The following SYNPR variants were observed in gnomAD, a reference collection of about 807,000 sequenced individuals.
SYNPR encodes synaptoporin.
In SYNPR, 23 loss-of-function variants were observed where a neutral mutation model predicts 32.9. That is an observed-to-expected ratio of 0.70 (90% CI 0.50 to 0.99). The LOEUF is 0.99. Ranked by LOEUF, SYNPR falls within the 50% of genes least tolerant of loss-of-function variation. The pLI is 0.00. For missense variants in SYNPR, 318 were observed against 349.3 expected (o/e 0.91, Z 0.71); for synonymous variants, 146 against 135.9 (o/e 1.07, Z -0.52).
At chr3:63,484,523 G>C (rs1170816344) in intron 3 of SYNPR, among the ~76,000 whole-genome samples, 2 of 152,116 alleles carry the variant, frequency 1.3e-5, no homozygotes, top group African/African-American at 4.8e-5. Context: ...AGGTTAGGGG[G>C]CTATAGGAAC....
At chr3:63,603,014 T>G (rs568234618) in intron 4 of SYNPR, among the ~76,000 whole-genome samples, 2 of 152,300 alleles carry the variant, frequency 1.3e-5, no homozygotes, top group African/African-American at 4.8e-5. Flanking sequence ...TCATCTCTGA[T>G]TTATTTCAGC....
intron 4 of SYNPR, among the ~76,000 whole-genome samples, chr3:63,597,382 C>T (rs1186354919): frequency 6.6e-6 from 1 of 152,186 alleles, no homozygotes; most frequent in East Asian, 1.9e-4. Context: ...ATTCTAGCTA[C>T]ATAGGTATAC....
the SYNPR span, among the ~76,000 whole-genome samples, chr3:63,207,043 A>G: frequency 1.2e-4 from 18 of 152,318 alleles, no homozygotes; most frequent in African/African-American, 3.6e-4. Context: ...GGAGAGAGGA[A>G]GTTTGGTTCC....
intron 2 of SYNPR, among the ~76,000 whole-genome samples, chr3:63,317,768 A>G (rs1218405212): frequency 6.6e-6 from 1 of 151,786 alleles, no homozygotes; most frequent in Non-Finnish European, 1.5e-5. Flanking sequence ...TGCTTTCATC[A>G]TGCTTTTTGT....
chr3:63,264,675 G>A (rs943609046), intron 2 of SYNPR, among the ~76,000 whole-genome samples: 15 of 152,188 alleles, frequency 9.9e-5, no homozygotes, highest in Non-Finnish European at 8.8e-5. Flanking sequence ...CTGCTATGAG[G>A]AAATACCCCA....
chr3:63,259,547 T>C (rs912778334), intron 2 of SYNPR, among the ~76,000 whole-genome samples: 1 of 152,126 alleles, frequency 6.6e-6, no homozygotes, highest in Non-Finnish European at 1.5e-5. Context: ...AAACTCTCAA[T>C]AAATTAGGTA....
intron 2 of SYNPR, among the ~76,000 whole-genome samples, chr3:63,444,508 T>C (rs967071738): frequency 1.3e-5 from 2 of 152,310 alleles, no homozygotes; most frequent in Admixed American, 1.3e-4. Context: ...AGATTTGTGA[T>C]GAAAGTTAAA....
At chr3:63,382,483 C>G (rs2087984915) in intron 2 of SYNPR, among the ~76,000 whole-genome samples, 1 of 152,216 alleles carries the variant, frequency 6.6e-6, no homozygotes, top group African/African-American at 2.4e-5. Context: ...TAGCTATATT[C>G]TTAAAGTTTC....
At chr3:63,588,444 T>C (rs546819376) in intron 4 of SYNPR, among the ~76,000 whole-genome samples, 1 of 152,176 alleles carries the variant, frequency 6.6e-6, no homozygotes, top group East Asian at 1.9e-4. Flanking sequence ...ATGTTTTGTG[T>C]CAAGTAGATA....
intron 4 of SYNPR, among the ~76,000 whole-genome samples, chr3:63,572,692 G>A (rs1191281296): frequency 6.6e-6 from 1 of 152,098 alleles, no homozygotes; most frequent in Non-Finnish European, 1.5e-5. Context: ...GAAGTGACAG[G>A]ATAGATTTAA....
intron 2 of SYNPR, among the ~76,000 whole-genome samples, chr3:63,299,678 G>A (rs1321534322): frequency 6.6e-6 from 1 of 152,084 alleles, no homozygotes; most frequent in Non-Finnish European, 1.5e-5. Context: ...AGGAACAATG[G>A]GTAGAAAGAA....
At chr3:63,221,030 T>A in the SYNPR span, among the ~76,000 whole-genome samples, 1 of 152,204 alleles carries the variant, frequency 6.6e-6, no homozygotes, top group African/African-American at 2.4e-5. Flanking sequence ...AGGGTTCTGA[T>A]TTGATTGATA....
rs1700138120 is a variant in SYNPR, at chr3:63,439,821, A to T, written c.85-41011A>T. ...GTATTTCAAGGCTAACCTCCTTTGA[A>T]AAAATTAGGTTTCTTCACCACCATC... is the stretch of plus-strand genomic sequence containing the variant. On this transcript the variant is annotated intron_variant, in intron 2 of 5. Coordinates refer to ENST00000478300, the MANE Select transcript of SYNPR (RefSeq NM_001130003.2). Among the ~76,000 whole-genome samples, 4 of 152,196 alleles carry T rather than the reference A, an allele frequency of 2.6e-5. No homozygotes were observed. The South Asian group carries it at 8.3e-4, about 32-fold the overall frequency.
intron 2 of SYNPR, among the ~76,000 whole-genome samples, chr3:63,459,803 G>T (rs1009288384): frequency 2.6e-5 from 4 of 152,020 alleles, no homozygotes; most frequent in African/African-American, 4.8e-5. Flanking sequence ...AGACTCTGTA[G>T]TCTCTTAATA....
chr3:63,468,665 G>T (rs1409093995), intron 2 of SYNPR, among the ~76,000 whole-genome samples: 5 of 152,160 alleles, frequency 3.3e-5, no homozygotes, highest in Admixed American at 2.0e-4. Flanking sequence ...ACCGGGTGTG[G>T]TGGTGCATGT....
intron 2 of SYNPR, among the ~76,000 whole-genome samples, chr3:63,374,533 GAC>G (rs1385076375): frequency 6.6e-6 from 1 of 151,994 alleles, no homozygotes; most frequent in Non-Finnish European, 1.5e-5. Flanking sequence ...AAGCCCCTGT[GAC>G]ACACAGTTTA....
intron 2 of SYNPR, among the ~76,000 whole-genome samples, chr3:63,262,658 C>T (rs549754343): frequency 6.6e-6 from 1 of 152,114 alleles, no homozygotes; most frequent in African/African-American, 2.4e-5. Context: ...GGGACCGTGC[C>T]AAAGCCCAGC....
chr3:63,521,902 C>G (rs562070788), intron 3 of SYNPR, among the ~76,000 whole-genome samples: 1 of 152,306 alleles, frequency 6.6e-6, no homozygotes, highest in East Asian at 1.9e-4. Context: ...CCAAGCCCTC[C>G]TGCCAGTGCT....
chr3:63,384,353 A>AT (rs1361875773), intron 2 of SYNPR, among the ~76,000 whole-genome samples: 1 of 152,178 alleles, frequency 6.6e-6, no homozygotes, highest in African/African-American at 2.4e-5. Context: ...CACGAATATC[A>AT]TTTTTTACCT....
Sources: gnomAD v4.1 joint callset for allele counts (sites outside exome capture counted in the v4.1 genomes callset) on GRCh38, gnomAD v4.1.1 for gene constraint, MANE v1.5 for transcripts, NCBI Gene and HGNC (gene_info 2026-07-23, HGNC 2026-07-21) for gene names.